Variants in PSTPIP2 observed in about 807,000 individuals in gnomAD.
PSTPIP2 encodes the protein proline-serine-threonine phosphatase interacting protein 2.
In PSTPIP2, 33 loss-of-function variants were observed where a neutral mutation model predicts 63.3. The ratio of observed to expected loss-of-function variants is 0.52; its 90% CI spans 0.40 to 0.70. The LOEUF (loss-of-function observed/expected upper bound fraction) is 0.70, where lower values mean the gene tolerates loss of function less well. Among genes scored for constraint, PSTPIP2 ranks in the 30% least tolerant of loss-of-function variants. The pLI is 0.00. For missense variants in PSTPIP2, 312 were observed against 400.7 expected, an observed-to-expected ratio of 0.78 and a Z score of 1.89; for synonymous variants, 125 against 132.7, an observed-to-expected ratio of 0.94 and a Z score of 0.40.
At chr18:45,987,486 T>C (rs575415137) in intron 14 of PSTPIP2, among the ~76,000 whole-genome samples, 9 of 143,176 alleles carry the variant, frequency 6.3e-5, no homozygotes, top group African/African-American at 2.4e-4. Flanking sequence ...CGAAGACGTG[T>C]AGTTCAGAAG....
At chr18:46,015,217 G>A (rs1024584830) in intron 4 of PSTPIP2, among the ~76,000 whole-genome samples, 4 of 152,176 alleles carry the variant, frequency 2.6e-5, no homozygotes, top group Non-Finnish European at 5.9e-5. Flanking sequence ...AGAGTAAGAG[G>A]TGAGGGAATC....
At chr18:45,992,821 G>A (rs1322989195) in intron 10 of PSTPIP2, among the ~76,000 whole-genome samples, 1 of 151,932 alleles carries the variant, frequency 6.6e-6, no homozygotes, top group East Asian at 1.9e-4. Context: ...CTCCCTGGCT[G>A]AAGCAATTCC....
intron 1 of PSTPIP2, among the ~76,000 whole-genome samples, chr18:46,052,956 A>G (rs1421474339): frequency 6.6e-6 from 1 of 152,218 alleles, no homozygotes; most frequent in East Asian, 1.9e-4. Flanking sequence ...TTACAAATGA[A>G]AAAACAAACA....
chr18:46,063,423 A>G (rs958084377), intron 1 of PSTPIP2, among the ~76,000 whole-genome samples: 1 of 152,206 alleles, frequency 6.6e-6, no homozygotes, highest in African/African-American at 2.4e-5. Context: ...ATCCATATAC[A>G]TATATCATTT....
At chr18:46,000,530 G>A (rs775843903) in intron 6 of PSTPIP2, among the ~76,000 whole-genome samples, 17 of 152,066 alleles carry the variant, frequency 1.1e-4, no homozygotes, top group Non-Finnish European at 1.6e-4. Context: ...ATCATGCCCC[G>A]CTGATTTTTG....
intron 2 of PSTPIP2, among the ~76,000 whole-genome samples, chr18:46,027,007 C>A (rs181354719): frequency 6.6e-6 from 1 of 152,100 alleles, no homozygotes; most frequent in Non-Finnish European, 1.5e-5. Context: ...AAGAATAAGA[C>A]CATATGGCCG....
At chr18:46,020,679 G>C (rs1907314428) in intron 3 of PSTPIP2, among the ~76,000 whole-genome samples, 1 of 152,072 alleles carries the variant, frequency 6.6e-6, no homozygotes, top group South Asian at 2.1e-4. Context: ...CTGTCTTCTA[G>C]AACATCTTCC....
Position 46,005,470 on chromosome 18 carries a change from T to C in PSTPIP2, c.416A>G (p.Asp139Gly), listed in dbSNP as rs938208155. 1.9e-6 allele frequency: 3 copies of C among 1,591,944 alleles called. No homozygotes were observed. Among genetic ancestry groups the C allele is most frequent in the Non-Finnish European group, 2.6e-6 (3 of 1,161,160 alleles). ...AAAAGACAATAAAATGTGACTCACA[T>C]CCATGGTTTTCTTGAATTGTAAGCT... ...QKSLQFKKTM[D>G]AKKNYEQKCR... The change falls in exon 6 of 15, where the codon GAT (aspartate) becomes GGT (glycine). Residue 139 changes from aspartate (D) to glycine (G), a missense_variant and splice_region_variant. Transcript: ENST00000409746.
At chr18:46,035,246 C>T (rs1268374284) in intron 2 of PSTPIP2, among the ~76,000 whole-genome samples, 1 of 151,932 alleles carries the variant, frequency 6.6e-6, no homozygotes, top group African/African-American at 2.4e-5. Flanking sequence ...CCAGGAAAAA[C>T]CCCATCTTTA....
At chr18:46,032,754 C>CAAAAAAAAAAAAAAAAAAAAAAGAAAAA (rs762015034) in intron 2 of PSTPIP2, among the ~76,000 whole-genome samples, 1 of 50,156 alleles carries the variant, frequency 2.0e-5, no homozygotes, top group African/African-American at 6.0e-5. Context: ...AACTCTGTGT[C>CAAAAAAAAAAAAAAAAAAAAAAGAAAAA]AAAAAAAAAA....
chr18:46,006,000 A>G (rs1471323620), intron 5 of PSTPIP2, among the ~76,000 whole-genome samples: 1 of 152,148 alleles, frequency 6.6e-6, no homozygotes, highest in Non-Finnish European at 1.5e-5. Flanking sequence ...GGCAGTATGA[A>G]GGAAAAAAGA....
At chr18:45,993,514 G>C (rs2051560852) in intron 10 of PSTPIP2, 91 bp downstream of exon 10, 2 of 1,268,850 alleles carry the variant, frequency 1.6e-6, no homozygotes, top group Admixed American at 3.7e-5. Flanking sequence ...CTTCACCAAG[G>C]GCAAAGTGAA....
At chr18:46,029,372 G>C (rs1220549251) in intron 2 of PSTPIP2, 3 of 1,556,928 alleles carry the variant, frequency 1.9e-6, no homozygotes, top group Non-Finnish European at 2.7e-6. Flanking sequence ...CAGCATCCAC[G>C]TTCTCTTCAG....
At position 46,032,818 on chromosome 18, in the gene PSTPIP2, G is replaced by A. The variant is rs566954212; in HGVS notation, c.134+7129C>T. On this transcript the variant is annotated intron_variant, in intron 2 of 14. Transcript: ENST00000409746. ...AGGAAAGAAAAGAAAAACAACCCATGACAAACATCATCAGATATGGCCTTT... is the reference window on the plus strand; with the variant it reads ...AGGAAAGAAAAGAAAAACAACCCATAACAAACATCATCAGATATGGCCTTT... Among the ~76,000 whole-genome samples, 5 of 150,086 alleles carry A rather than the reference G, an allele frequency of 3.3e-5. No homozygotes were observed. The South Asian group carries it at 1.1e-3, about 32-fold the overall frequency.
intron 3 of PSTPIP2, 112 bp downstream of exon 3, chr18:46,024,495 AAT>A (rs1555689581): frequency 1.1e-6 from 1 of 880,544 alleles, no homozygotes; most frequent in Non-Finnish European, 1.8e-6. Context: ...TCTCCAAAAA[AAT>A]TTTTTTTTCA....
chr18:46,061,451 A>T (rs1313938166), intron 1 of PSTPIP2, among the ~76,000 whole-genome samples: 2 of 152,200 alleles, frequency 1.3e-5, no homozygotes, highest in Non-Finnish European at 2.9e-5. Context: ...CTTATCCACA[A>T]ACTTCCTGCC....
intron 6 of PSTPIP2, among the ~76,000 whole-genome samples, chr18:46,000,228 A>C (rs2051648749): frequency 6.6e-6 from 1 of 152,186 alleles, no homozygotes; most frequent in African/African-American, 2.4e-5. Flanking sequence ...TCATAATCCT[A>C]AGAATGCCTG....
At chr18:46,053,289 C>T (rs1030159117) in intron 1 of PSTPIP2, among the ~76,000 whole-genome samples, 4 of 152,120 alleles carry the variant, frequency 2.6e-5, no homozygotes, top group Non-Finnish European at 4.4e-5. Context: ...TTCACTACTG[C>T]CATTTCACTG....
intron 9 of PSTPIP2, chr18:45,994,022 C>T: frequency 3.0e-6 from 1 of 335,642 alleles, no homozygotes; most frequent in South Asian, 2.6e-5. Context: ...ACCTGAGCAG[C>T]CTGCCAGAGC....
Sources: allele counts gnomAD v4.1 joint callset (sites outside exome capture counted in the v4.1 genomes callset), GRCh38; gene constraint gnomAD v4.1.1; transcripts MANE v1.5; gene names NCBI Gene and HGNC (gene_info 2026-07-23, HGNC 2026-07-21).